ZNF625: variants seen among roughly 807,000 people sequenced by gnomAD.
ZNF625 encodes the protein zinc finger protein 625.
ZNF625 carries 8 observed loss-of-function variants against 11.1 expected under a neutral mutation model. The ratio of observed to expected loss-of-function variants is 0.72; its 90% CI spans 0.42 to 1.30. The LOEUF (loss-of-function observed/expected upper bound fraction) is 1.30, where lower values mean the gene tolerates loss of function less well. Ranked by LOEUF, ZNF625 falls within the 50% of genes most tolerant of loss-of-function variation. The probability of loss-of-function intolerance (pLI) is 0.01; values close to 1 mark genes in which losing one functional copy is unlikely to be tolerated. For synonymous variants in ZNF625, 145 were observed against 153.4 expected (o/e 0.95, Z 0.41); for missense variants, 349 against 447.6 (o/e 0.78, Z 1.99).
intron 1 of ZNF625, among the ~76,000 whole-genome samples, chr19:12,153,343 C>G (rs973971832): frequency 1.4e-5 from 2 of 145,508 alleles, no homozygotes; most frequent in African/African-American, 5.2e-5. Flanking sequence ...GAGTGAGACT[C>G]CATCTCAAAA....
chr19:12,149,546 T>C (rs1976926464), intron 1 of ZNF625, among the ~76,000 whole-genome samples: 1 of 152,122 alleles, frequency 6.6e-6, no homozygotes, highest in Non-Finnish European at 1.5e-5. Context: ...CTAAATCAAC[T>C]GTACAGTTAA....
chr19:12,147,613 T>C, intron 2 of ZNF625, 63 bp downstream of exon 2: 1 of 1,610,226 alleles, frequency 6.2e-7, no homozygotes. Context: ...CACTCAACAC[T>C]ACTGACAAGC....
In ZNF625 at chr19:12,145,466, T is replaced by C; in HGVS notation, c.950A>G (p.His317Arg). 1.2e-6 allele frequency: 2 copies of C among 1,613,566 alleles called. No homozygotes were observed. The highest frequency in any genetic ancestry group is 1.1e-5 in the South Asian group (1 of 91,060). Residue 317 changes from histidine to arginine, a missense_variant, in exon 4 of 4, where the codon CAC becomes CGC. By Grantham distance (29) the His-to-Arg change is conservative. Transcript: ENST00000439556. ...GTGAGTCCTTCCATGTGTTCGAAGGTGCGAGGCAGATCTGAAGGCTTTCCC... is the reference window on the plus strand; with the variant it reads ...GTGAGTCCTTCCATGTGTTCGAAGGCGCGAGGCAGATCTGAAGGCTTTCCC... ...QCGKAFRSAS[H>R]LRTHGRTHTG...
At chr19:12,147,973 T>C (rs898664742) in intron 1 of ZNF625, among the ~76,000 whole-genome samples, 171 bp from the exon 2 acceptor site, 5 of 151,980 alleles carry the variant, frequency 3.3e-5, no homozygotes, top group Non-Finnish European at 7.4e-5. Context: ...AAGAAATTCT[T>C]TTTTTTTAAT....
At chr19:12,147,845 C>T (rs974634741) in intron 1 of ZNF625, 43 bp from the exon 2 acceptor site, 1 of 1,609,016 alleles carries the variant, frequency 6.2e-7, no homozygotes, top group African/African-American at 1.3e-5. Context: ...GTGAGACTGA[C>T]AGCACTGGGT....
At chr19:12,155,342 T>C (rs887793356) in intron 1 of ZNF625, among the ~76,000 whole-genome samples, 3 of 152,174 alleles carry the variant, frequency 2.0e-5, no homozygotes, top group Admixed American at 1.3e-4. Context: ...TAAAATCTAG[T>C]GAAACATATC....
At position 12,145,318 on chromosome 19, in the gene ZNF625, G is replaced by T. The variant is rs1568387607; in HGVS notation, c.1098C>A (p.Gly366=). ...TGAATTAAGCAATCTTCTCGCCTTG[G>T]CCTTTCGAAGTGTTGGAGCTACAGG... ...EKPCSSNTSK[G]QGEKIA is the part of the protein sequence containing the mutation. The change falls in exon 4 of 4, where the codon GGC becomes GGA. Residue 366 remains glycine, a synonymous_variant. Transcript: ENST00000439556. 2 of 1,610,576 alleles carry T rather than the reference G, an allele frequency of 1.2e-6. No homozygotes were observed. The highest frequency in any genetic ancestry group is 1.7e-6 in the Non-Finnish European group (2 of 1,178,148).
chr19:12,153,268 T>C (rs1478617696), intron 1 of ZNF625, among the ~76,000 whole-genome samples: 2 of 151,460 alleles, frequency 1.3e-5, no homozygotes, highest in African/African-American at 2.4e-5. Context: ...GAAAAATCAC[T>C]TGAACTTCGG....
At chr19:12,153,924 C>T (rs572394267) in intron 1 of ZNF625, among the ~76,000 whole-genome samples, 1 of 149,410 alleles carries the variant, frequency 6.7e-6, no homozygotes, top group Non-Finnish European at 1.5e-5. Flanking sequence ...TCTCCTGCCT[C>T]AGCCTCCCGA....
chr19:12,147,760 C>T lies in ZNF625; in HGVS notation c.46G>A (p.Glu16Lys), dbSNP rs1349387908. The change falls in exon 2 of 4, where the codon GAG (glutamate) becomes AAG (lysine). Residue 16 changes from glutamate to lysine, a missense_variant. Glu to Lys is a moderately conservative substitution (Grantham distance 56). Transcript: ENST00000439556. ...GAAGGATCCAGCAAAGCCCACTCCTCCTGGGTGAAGTTCACATCTACATCC... is the reference window on the plus strand; with the variant it reads ...GAAGGATCCAGCAAAGCCCACTCCTTCTGGGTGAAGTTCACATCTACATCC... ...FEDVDVNFTQ[E>K]EWALLDPSQK... The T allele has an allele frequency of 6.2e-7, 1 of 1,614,036 alleles. No homozygotes were observed. Among genetic ancestry groups the T allele is most frequent in the Non-Finnish European group, 8.5e-7 (1 of 1,180,038 alleles).
intron 3 of ZNF625, among the ~76,000 whole-genome samples, chr19:12,146,901 A>T (rs962383024): frequency 5.9e-5 from 9 of 151,896 alleles, no homozygotes; most frequent in African/African-American, 2.2e-4. Flanking sequence ...TGAACCTCCC[A>T]AAGGGCTGGA....
At chr19:12,155,924 T>C (rs1977019638) in intron 1 of ZNF625, among the ~76,000 whole-genome samples, 1 of 152,188 alleles carries the variant, frequency 6.6e-6, no homozygotes, top group South Asian at 2.1e-4. Flanking sequence ...CGATCTCGGC[T>C]CACTGCAGTC....
Position 12,145,131 on chromosome 19 carries a change from A to T in ZNF625, c.*166T>A. 2.7e-6 allele frequency: 2 copies of T among 746,794 alleles called. No individual in the cohort carries two copies. Among genetic ancestry groups the T allele is most frequent in the Non-Finnish European group, 4.5e-6 (2 of 448,476 alleles). 46.3% of individuals were successfully genotyped at this position (746,794 alleles called of 1,614,324 possible). Reference sequence around the variant, plus strand: ...ATCTGAGTGAGGCCCCAGCTAAACTACTCCCAAAAATTTTTGCTCCTGGGC... The same window carrying T: ...ATCTGAGTGAGGCCCCAGCTAAACTTCTCCCAAAAATTTTTGCTCCTGGGC... On this transcript the variant is annotated 3_prime_UTR_variant, in exon 4 of 4. Coordinates refer to ENST00000439556, the MANE Select transcript of ZNF625 (RefSeq NM_145233.4).
rs1977030915 is a variant in ZNF625, at chr19:12,156,564, G to A, written c.-6C>T. The A allele has an allele frequency of 7.1e-7, 1 of 1,414,458 alleles. No individual in the cohort carries two copies. The highest frequency in any genetic ancestry group is 9.2e-7 in the Non-Finnish European group (1 of 1,082,456). The allele number at this position is 1,414,458 out of a possible 1,614,324, so 87.6% of individuals were successfully genotyped here. On this transcript the variant is annotated 5_prime_UTR_variant, in exon 1 of 4. Coordinates refer to ENST00000439556, the MANE Select transcript of ZNF625 (RefSeq NM_145233.4). The stretch of plus-strand genomic sequence containing the variant: ...CGGCCCCGCACACTCACCATTTCCC[G>A]GCTTCCAGGTGTCCTGGCCTCCTCT...
At chr19:12,147,534 C>T in intron 2 of ZNF625, 79 bp from the exon 3 acceptor site, 1 of 1,524,440 alleles carries the variant, frequency 6.6e-7, no homozygotes, top group Non-Finnish European at 8.9e-7. Flanking sequence ...TCATGGTACA[C>T]TGCAGCCTTG....
intron 3 of ZNF625, among the ~76,000 whole-genome samples, chr19:12,146,970 A>ATTTTTGTTTTTTTTTTTTTTTTTTTT (rs1976884116): frequency 7.6e-6 from 1 of 130,820 alleles, no homozygotes; most frequent in East Asian, 2.3e-4. Flanking sequence ...GTTTTTAGAG[A>ATTTTTGTTTTTTTTTTTTTTTTTTTT]TTTTTTTTTT....
chr19:12,149,065 A>G (rs1192786648), intron 1 of ZNF625, among the ~76,000 whole-genome samples: 1 of 152,014 alleles, frequency 6.6e-6, no homozygotes, highest in African/African-American at 2.4e-5. Context: ...GTGGATCACG[A>G]GGTCAGGAGA....
Position 12,146,050 on chromosome 19 carries a change from G to A in ZNF625, c.366C>T (p.His122=), listed in dbSNP as rs753675311. Residue 122 remains histidine (H), a synonymous_variant, in exon 4 of 4, where the codon CAC becomes CAT. Coordinates refer to ENST00000439556, the MANE Select transcript of ZNF625 (RefSeq NM_145233.4). ...LNRHHRADTG[H]KPYEYQEYGQ... is the part of the protein sequence containing the mutation. ...CATATTCCTGATACTCATATGGCTTGTGTCCAGTGTCAGCTCTGTGGTGCC... is the reference window on the plus strand; with the variant it reads ...CATATTCCTGATACTCATATGGCTTATGTCCAGTGTCAGCTCTGTGGTGCC... The A allele has an allele frequency of 6.2e-7, 1 of 1,613,454 alleles. No homozygotes were observed. The highest frequency in any genetic ancestry group is 2.2e-5 in the East Asian group (1 of 44,806).
rs1233496625 is a variant in ZNF625 at position 12,156,630 on chromosome 19, G to A, written c.-72C>T. 6 of 1,243,588 alleles carry A rather than the reference G, an allele frequency of 4.8e-6. No homozygotes were observed. The highest frequency in any genetic ancestry group is 6.1e-6 in the Non-Finnish European group (6 of 987,884). 77.0% of individuals were successfully genotyped at this position (1,243,588 alleles called of 1,614,324 possible). A position where few individuals can be genotyped will look rare whatever the true frequency, so the allele number is the denominator to read the frequency against. ...ACAGTCCAGTCACAGTGCGGGCGATGGAGCGACAGAAGCTATGGCGGAGGC... is the reference window on the plus strand; with the variant it reads ...ACAGTCCAGTCACAGTGCGGGCGATAGAGCGACAGAAGCTATGGCGGAGGC... On this transcript the variant is annotated 5_prime_UTR_variant, in exon 1 of 4. Coordinates refer to ENST00000439556, the MANE Select transcript of ZNF625 (RefSeq NM_145233.4).
Sources: allele counts gnomAD v4.1 joint callset (sites outside exome capture counted in the v4.1 genomes callset), GRCh38; gene constraint gnomAD v4.1.1; transcripts MANE v1.5; gene names NCBI Gene and HGNC (gene_info 2026-07-23, HGNC 2026-07-21).